Variants in MICOS10 observed in about 807,000 individuals in gnomAD.
The protein encoded by MICOS10 is MICOS complex subunit MIC10.
MICOS10 carries 5 observed loss-of-function variants against 13.4 expected under a neutral mutation model. The observed-to-expected ratio is 0.37, with a 90% CI of 0.20 to 0.78. The LOEUF is 0.78. MICOS10 is among the 30% of genes least tolerant of loss of function. The pLI is 0.47. For synonymous variants in MICOS10, 35 were observed against 33.6 expected, an observed-to-expected ratio of 1.04 and a Z score of -0.15; for missense variants, 101 against 94.6, an observed-to-expected ratio of 1.07 and a Z score of -0.28.
chr1:19,615,350 A>G (rs1180968311), intron 1 of MICOS10, among the ~76,000 whole-genome samples: 2 of 136,970 alleles, frequency 1.5e-5, no homozygotes, highest in Admixed American at 6.8e-5. Context: ...AGTGTTTTAC[A>G]CATCTCATGG....
intron 1 of MICOS10, among the ~76,000 whole-genome samples, chr1:19,602,861 G>A (rs1249056713): frequency 4.6e-5 from 7 of 152,142 alleles, no homozygotes; most frequent in Admixed American, 3.9e-4. Context: ...AATCGTTCTG[G>A]TCTCCACAGA....
intron 1 of MICOS10, among the ~76,000 whole-genome samples, chr1:19,599,222 A>G (rs2094804656): frequency 1.3e-5 from 2 of 151,668 alleles, no homozygotes; most frequent in African/African-American, 2.4e-5. Flanking sequence ...ATGCTCAACT[A>G]TTTTTGTATT....
rs189624423 is a variant in MICOS10 at position 19,608,763 on chromosome 1, G to A, written c.64+11654G>A. ...ATTAAAAACTTTTGCTCTTTGAATG[G>A]CACCATTAAGAAAACAAAAAGGCAA... On this transcript the variant is annotated intron_variant, in intron 1 of 3. Transcript: ENST00000322753. 3 of 485,962 alleles carry A rather than the reference G, an allele frequency of 6.2e-6. No individual in the cohort carries two copies. The Admixed American group carries it at 1.2e-4, about 19-fold the overall frequency. 30.1% of individuals were successfully genotyped at this position (485,962 alleles called of 1,614,324 possible).
Position 19,600,765 on chromosome 1 carries a change from C to T in MICOS10, c.64+3656C>T, listed in dbSNP as rs925453287. The T allele has an allele frequency of 5.6e-6, 3 of 538,298 alleles. No homozygotes were observed. In the African/African-American group the frequency reaches 5.8e-5, roughly 10 times the overall value. 33.3% of individuals were successfully genotyped at this position (538,298 alleles called of 1,614,324 possible). The stretch of plus-strand genomic sequence containing the variant: ...TGTGGGTACGCACCACCATACCCAT[C>T]TAACTTTTGTATTTTTTGTAGAGAT... On this transcript the variant is annotated intron_variant, in intron 1 of 3. Coordinates refer to ENST00000322753, the MANE Select transcript of MICOS10 (RefSeq NM_001032363.4).
chr1:19,608,481 G>A (rs748432418), intron 1 of MICOS10: 20 of 1,246,288 alleles, frequency 1.6e-5, no homozygotes, highest in Non-Finnish European at 2.4e-5. Flanking sequence ...GCCTGCTCGG[G>A]TATGAAGATC....
rs1198566051 is a variant in MICOS10, at chr1:19,611,970, C to CAAAAAAAAAA, written c.65-10124_65-10115dup. ...CTGGTGACAGAGTGAGGCTCCATCTCAAAAAAAAAAAAAAAGATTTTTTTT... is the reference window on the plus strand; with the variant it reads ...CTGGTGACAGAGTGAGGCTCCATCTCAAAAAAAAAAAAAAAAAAAAAAAAAGATTTTTTTT... On this transcript the variant is annotated intron_variant, in intron 1 of 3. Transcript: ENST00000322753. Among the ~76,000 whole-genome samples, 63 of 91,348 alleles carry CAAAAAAAAAA rather than the reference C, an allele frequency of 6.9e-4. 1 individual carries two copies. The highest frequency in any genetic ancestry group is 2.8e-3 in the African/African-American group (59 of 21,056). The allele number at this position is 91,348 out of a possible 152,430, so 59.9% of individuals were successfully genotyped here.
chr1:19,616,780 T>C (rs2094885909), intron 1 of MICOS10, among the ~76,000 whole-genome samples: 1 of 152,184 alleles, frequency 6.6e-6, no homozygotes, highest in Non-Finnish European at 1.5e-5. Flanking sequence ...CTACTTTTTA[T>C]AGGTTTTCAT....
At chr1:19,610,562 A>C (rs995633814) in intron 1 of MICOS10, among the ~76,000 whole-genome samples, 1 of 151,122 alleles carries the variant, frequency 6.6e-6, no homozygotes, top group African/African-American at 2.4e-5. Flanking sequence ...ATCTTAACGG[A>C]TACTGAGAGA....
intron 1 of MICOS10, among the ~76,000 whole-genome samples, chr1:19,605,556 T>C (rs2100257765): frequency 6.6e-6 from 1 of 152,366 alleles, no homozygotes; most frequent in South Asian, 2.1e-4. Context: ...GTGTTTTCAG[T>C]ATTCATCCAT....
Position 19,597,076 on chromosome 1 carries a change from G to T in MICOS10, c.31G>T (p.Asp11Tyr). Reference protein sequence around the residue: MSESELGRKWDRCLADAVVKI... With the variant: MSESELGRKWYRCLADAVVKI... Reference sequence around the variant, plus strand: ...TGAGTCGGAGCTCGGCAGGAAGTGGGACCGGTGTCTGGCGGATGCGGTCGT... The same window carrying T: ...TGAGTCGGAGCTCGGCAGGAAGTGGTACCGGTGTCTGGCGGATGCGGTCGT... The change falls in exon 1 of 4, where the codon GAC becomes TAC. Residue 11 changes from aspartate to tyrosine, a missense_variant. Physicochemically the swap from Asp to Tyr is radical, Grantham distance 160 (BLOSUM62 -3). Transcript: ENST00000322753. 6.3e-7 allele frequency: 1 copy of T among 1,599,932 alleles called. No individual in the cohort carries two copies. The highest frequency in any genetic ancestry group is 8.5e-7 in the Non-Finnish European group (1 of 1,174,374).
intron 1 of MICOS10, among the ~76,000 whole-genome samples, chr1:19,610,936 T>A (rs1003918319): frequency 2.1e-4 from 31 of 150,910 alleles, no homozygotes; most frequent in African/African-American, 7.7e-4. Context: ...GCTGTAGGAA[T>A]TTTTTATTTA....
chr1:19,610,318 T>C (rs1442862200), intron 1 of MICOS10, among the ~76,000 whole-genome samples: 1 of 132,738 alleles, frequency 7.5e-6, no homozygotes, highest in Non-Finnish European at 1.6e-5. Context: ...AATGAGGAGG[T>C]GGTCTAAGAA....
intron 1 of MICOS10, among the ~76,000 whole-genome samples, chr1:19,615,518 G>A (rs2094880462): frequency 6.6e-6 from 1 of 152,166 alleles, no homozygotes; most frequent in Non-Finnish European, 1.5e-5. Context: ...GTTTTAACCT[G>A]TCTTACCCCA....
intron 1 of MICOS10, chr1:19,600,928 G>A: frequency 7.8e-7 from 1 of 1,289,362 alleles, no homozygotes; most frequent in Non-Finnish European, 1.0e-6. Flanking sequence ...ACTCTGGCTT[G>A]GCAAAGACTG....
intron 1 of MICOS10, among the ~76,000 whole-genome samples, chr1:19,601,786 C>T (rs1223994474): frequency 6.6e-6 from 1 of 152,104 alleles, no homozygotes; most frequent in Non-Finnish European, 1.5e-5. Context: ...GAAGGGAGCT[C>T]TGAGTGATGG....
At chr1:19,615,368 C>T (rs2094879880) in intron 1 of MICOS10, among the ~76,000 whole-genome samples, 1 of 150,672 alleles carries the variant, frequency 6.6e-6, no homozygotes, top group Non-Finnish European at 1.5e-5. Flanking sequence ...TGGGTTTCAT[C>T]CTCACTATTC....
At chr1:19,601,002 C>T (rs1484548452) in intron 1 of MICOS10, 1 of 1,289,296 alleles carries the variant, frequency 7.8e-7, no homozygotes, top group Admixed American at 2.3e-5. Flanking sequence ...TTGTCTTATA[C>T]CTAAAGTGTT....
intron 1 of MICOS10, among the ~76,000 whole-genome samples, chr1:19,620,189 G>GT (rs1412047137): frequency 4.6e-5 from 7 of 152,194 alleles, no homozygotes; most frequent in African/African-American, 1.4e-4. Flanking sequence ...ATGTTGGTTT[G>GT]TTTTTATTGT....
At chr1:19,605,532 C>G (rs199713131) in intron 1 of MICOS10, among the ~76,000 whole-genome samples, 1 of 152,118 alleles carries the variant, frequency 6.6e-6, no homozygotes, top group Admixed American at 6.6e-5. Flanking sequence ...GTATCGGCTT[C>G]TTTGACTTAG....
Sources: allele counts gnomAD v4.1 joint callset (sites outside exome capture counted in the v4.1 genomes callset), GRCh38; gene constraint gnomAD v4.1.1; transcripts MANE v1.5; gene names NCBI Gene and HGNC (gene_info 2026-07-23, HGNC 2026-07-21).